The following HDAC9 variants were observed in gnomAD, a reference collection of about 807,000 sequenced individuals.
HDAC9 encodes the protein histone deacetylase 9.
A neutral mutation model predicts 139.4 loss-of-function variants in HDAC9; 41 were observed. That is an observed-to-expected ratio of 0.29 (90% CI 0.23 to 0.38). The LOEUF is 0.38. Among genes scored for constraint, HDAC9 ranks in the 10% least tolerant of loss-of-function variants. The pLI is 1.00. For synonymous variants in HDAC9, 517 were observed against 476.2 expected, an observed-to-expected ratio of 1.09 and a Z score of -1.12; for missense variants, 1,147 against 1,297.0, an observed-to-expected ratio of 0.88 and a Z score of 1.78.
At chr7:18,374,062 A>T (rs567707871) in intron 1 of HDAC9, among the ~76,000 whole-genome samples, 44 of 152,126 alleles carry the variant, frequency 2.9e-4, no homozygotes, top group Non-Finnish European at 5.4e-4. Flanking sequence ...TCCCTCTCGG[A>T]TGTGTTTCTT....
At chr7:18,680,856 C>T (rs777713327) in intron 12 of HDAC9, among the ~76,000 whole-genome samples, 3 of 151,970 alleles carry the variant, frequency 2.0e-5, no homozygotes, top group Non-Finnish European at 4.4e-5. Flanking sequence ...AAGATACAAA[C>T]CACTGAAATT....
chr7:18,451,730 A>G (rs764326644), intron 1 of HDAC9, among the ~76,000 whole-genome samples: 1 of 151,918 alleles, frequency 6.6e-6, no homozygotes, highest in African/African-American at 2.4e-5. Flanking sequence ...AACATTTGCT[A>G]TTCAGCCCTA....
At chr7:18,678,985 G>A (rs1056816161) in intron 12 of HDAC9, among the ~76,000 whole-genome samples, 3 of 151,944 alleles carry the variant, frequency 2.0e-5, no homozygotes, top group African/African-American at 7.2e-5. Context: ...TTTAACAGGG[G>A]TGGATGACAC....
chr7:18,472,787 T>G (rs566086841), intron 1 of HDAC9, among the ~76,000 whole-genome samples: 97 of 152,316 alleles, frequency 6.4e-4, no homozygotes, highest in Non-Finnish European at 1.2e-3. Flanking sequence ...ATGATCCCTA[T>G]GTAGAATGTC....
chr7:18,375,340 C>A (rs961972890), intron 1 of HDAC9, among the ~76,000 whole-genome samples: 3 of 151,990 alleles, frequency 2.0e-5, no homozygotes, highest in African/African-American at 7.2e-5. Context: ...CATGGTGGCA[C>A]ATGCTTGTAA....
intron 25 of HDAC9, among the ~76,000 whole-genome samples, chr7:18,981,953 A>C (rs1784979810): frequency 6.6e-6 from 1 of 152,194 alleles, no homozygotes; most frequent in Admixed American, 6.5e-5. Flanking sequence ...AAATGAAAAA[A>C]AAAGCAAAAC....
At chr7:18,474,939 A>G (rs183631702) in intron 1 of HDAC9, among the ~76,000 whole-genome samples, 330 of 152,318 alleles carry the variant, frequency 2.2e-3, no homozygotes, top group Middle Eastern at 0.01. Context: ...CCTTGTATGG[A>G]TGTTGCTGAT....
intron 6 of HDAC9, among the ~76,000 whole-genome samples, chr7:18,613,182 A>G (rs1353940263): frequency 1.3e-5 from 2 of 151,098 alleles, no homozygotes; most frequent in Non-Finnish European, 3.0e-5. Context: ...TAGAATAAAG[A>G]TTAGAAGGAA....
intron 1 of HDAC9, among the ~76,000 whole-genome samples, chr7:18,442,764 T>C (rs1345118634): frequency 6.6e-6 from 1 of 152,178 alleles, no homozygotes; most frequent in African/African-American, 2.4e-5. Flanking sequence ...CTCTCTGAGG[T>C]TTTCAGTGGT....
intron 21 of HDAC9, among the ~76,000 whole-genome samples, chr7:18,859,647 A>G (rs1797940858): frequency 6.6e-6 from 1 of 151,578 alleles, no homozygotes; most frequent in South Asian, 2.1e-4. Flanking sequence ...CAAAGACACA[A>G]ACAGTTCCTT....
chr7:18,216,541 C>A (rs532774855), intron 2 of HDAC9, among the ~76,000 whole-genome samples: 1 of 151,930 alleles, frequency 6.6e-6, no homozygotes, highest in East Asian at 1.9e-4. Context: ...ATAGAACTAC[C>A]CTGGCCTATG....
At chr7:18,856,546 G>T (rs1191175466) in intron 21 of HDAC9, among the ~76,000 whole-genome samples, 5 of 151,956 alleles carry the variant, frequency 3.3e-5, no homozygotes, top group Non-Finnish European at 7.4e-5. Flanking sequence ...AACTTGGAGT[G>T]GGCAAAAAGA....
chr7:18,771,362 G>A (rs906577984), intron 16 of HDAC9, among the ~76,000 whole-genome samples: 5 of 152,022 alleles, frequency 3.3e-5, no homozygotes, highest in African/African-American at 1.2e-4. Context: ...GATTATGAGA[G>A]GGTAGTAATT....
intron 16 of HDAC9, among the ~76,000 whole-genome samples, chr7:18,770,534 A>G (rs890329538): frequency 6.6e-6 from 1 of 152,104 alleles, no homozygotes; most frequent in African/African-American, 2.4e-5. Context: ...TCTTCACTTG[A>G]TAGGCCACAG....
At chr7:18,355,798 G>A (rs942994634) in intron 1 of HDAC9, among the ~76,000 whole-genome samples, 2 of 152,102 alleles carry the variant, frequency 1.3e-5, no homozygotes, top group African/African-American at 4.8e-5. Context: ...ACAAAAAGGA[G>A]GAATTGCCTT....
chr7:18,666,620 C>G, intron 12 of HDAC9, 144 bp downstream of exon 12: 1 of 1,459,402 alleles, frequency 6.9e-7, no homozygotes, highest in African/African-American at 1.4e-5. Flanking sequence ...AGGATTCTAC[C>G]TAATGCAGAT....
At chr7:18,452,396 C>G (rs1792955097) in intron 1 of HDAC9, among the ~76,000 whole-genome samples, 1 of 152,158 alleles carries the variant, frequency 6.6e-6, no homozygotes, top group Non-Finnish European at 1.5e-5. Context: ...GAAGTTGAGG[C>G]TCATGTCTTC....
intron 2 of HDAC9, among the ~76,000 whole-genome samples, chr7:18,189,924 T>TGTGG (rs1433474108): frequency 1.4e-5 from 2 of 142,042 alleles, no homozygotes; most frequent in African/African-American, 5.8e-5. Flanking sequence ...GTGTGTGGTG[T>TGTGG]GTGTGTGTGT....
chr7:18,416,155 G>A (rs915204167), intron 1 of HDAC9, among the ~76,000 whole-genome samples: 1 of 152,008 alleles, frequency 6.6e-6, no homozygotes, highest in Admixed American at 6.5e-5. Flanking sequence ...AATTAGCCGG[G>A]CATGGTGGCG....
Sources: allele counts gnomAD v4.1 joint callset (sites outside exome capture counted in the v4.1 genomes callset), GRCh38; gene constraint gnomAD v4.1.1; transcripts MANE v1.5; gene names NCBI Gene and HGNC (gene_info 2026-07-23, HGNC 2026-07-21).